The following RUSC2 variants were observed in gnomAD, a reference collection of about 807,000 sequenced individuals.
RUSC2 encodes the protein AP-4 complex accessory subunit RUSC2.
RUSC2 carries 34 observed loss-of-function variants against 122.2 expected under a neutral mutation model. That is an observed-to-expected ratio of 0.28 (90% CI 0.21 to 0.37). RUSC2 has a LOEUF of 0.37. Among genes scored for constraint, RUSC2 ranks in the 10% least tolerant of loss-of-function variants. The probability of loss-of-function intolerance (pLI) is 1.00; values close to 1 mark genes in which losing one functional copy is unlikely to be tolerated. For missense variants in RUSC2, 1,747 were observed against 1,952.4 expected (o/e 0.89, Z 1.98); for synonymous variants, 784 against 790.0 (o/e 0.99, Z 0.13).
chr9:35,509,784 T>C (rs1441922844), intron 1 of RUSC2, among the ~76,000 whole-genome samples: 4 of 152,166 alleles, frequency 2.6e-5, no homozygotes, highest in Non-Finnish European at 5.9e-5. Flanking sequence ...TATTGAGCCC[T>C]GCCTAAATAC....
At position 35,490,132 on chromosome 9, in the gene RUSC2, C is replaced by CGCA. The variant is rs1398057436; in HGVS notation, c.-131_-130insAGC. On this transcript the variant is annotated 5_prime_UTR_variant, in exon 1 of 12. Coordinates refer to ENST00000361226, the MANE Select transcript of RUSC2 (RefSeq NM_014806.5). ...GGGCGAGACACGCCGCCGCCGCCGC[C>CGCA]GCCGCCGGCGCGGAAGGACGAGGCT... 8.9e-5 allele frequency: 14 copies of CGCA among 156,672 alleles called. No homozygotes were observed. Among genetic ancestry groups the CGCA allele is most frequent in the African/African-American group, 3.1e-4 (13 of 41,410 alleles). The allele number at this position is 156,672 out of a possible 1,614,324, so 9.7% of individuals were successfully genotyped here.
chr9:35,527,906 C>T (rs1821351704), intron 1 of RUSC2, among the ~76,000 whole-genome samples: 1 of 152,198 alleles, frequency 6.6e-6, no homozygotes, highest in Non-Finnish European at 1.5e-5. Flanking sequence ...GTTTAGCTCC[C>T]TCACCTTCCC....
Position 35,546,359 on chromosome 9 carries a change from T to G in RUSC2, c.-92-71T>G. On this transcript the variant is annotated intron_variant, in intron 1 of 11. Transcript: ENST00000361226. The surrounding 1 kb of genome is among the most constrained non-coding windows in gnomAD (Gnocchi z 4.3). ...TGGGCTCTTCTCCATCTGAAAATGA[T>G]GTAGGGAAGGGCATGCCCCTGACTT... 2.3e-6 allele frequency: 1 copy of G among 425,640 alleles called. No individual in the cohort carries two copies. The highest frequency in any genetic ancestry group is 4.0e-6 in the Non-Finnish European group (1 of 250,370). 26.4% of individuals were successfully genotyped at this position (425,640 alleles called of 1,614,324 possible).
In RUSC2 at chr9:35,555,753, C is replaced by G. The variant is rs1265700629; in HGVS notation, c.2656+52C>G. 1.3e-6 allele frequency: 2 copies of G among 1,539,806 alleles called. No homozygotes were observed. The highest frequency in any genetic ancestry group is 2.8e-5 in the African/African-American group (2 of 72,126). On this transcript the variant is annotated intron_variant, in intron 3 of 11. Coordinates refer to ENST00000361226, the MANE Select transcript of RUSC2 (RefSeq NM_014806.5). The surrounding 1 kb of genome is among the most constrained non-coding windows in gnomAD (Gnocchi z 4.6). ...AACCCGCCACCTCACGCAAGCACTT[C>G]CACCACCTCCCCTTTGAGTGGTTGC...
At chr9:35,518,329 G>A (rs575068780) in intron 1 of RUSC2, among the ~76,000 whole-genome samples, 164 of 152,326 alleles carry the variant, frequency 1.1e-3, no homozygotes, top group African/African-American at 3.9e-3. Context: ...CGGCTGTTTT[G>A]TTTGCACTTC....
chr9:35,515,358 A>T (rs1326899231), intron 1 of RUSC2, among the ~76,000 whole-genome samples: 1 of 151,794 alleles, frequency 6.6e-6, no homozygotes, highest in African/African-American at 2.4e-5. Context: ...GTACCTTGTC[A>T]TTCATTAATA....
At position 35,557,476 on chromosome 9, in the gene RUSC2, G is replaced by A. The variant is rs558250951; in HGVS notation, c.2984-438G>A. 1.1e-4 allele frequency among the ~76,000 whole-genome samples: 16 copies of A among 152,240 alleles called. No homozygotes were observed. Among genetic ancestry groups the A allele is most frequent in the African/African-American group, 3.6e-4 (15 of 41,552 alleles). ...CCAAGGGCTTGAGAGGAGGGGTGTC[G>A]ATTTCACATGGCAACTTGAGGGTAT... On this transcript the variant is annotated intron_variant, in intron 5 of 11. Transcript: ENST00000361226. The surrounding 1 kb of genome is among the most constrained non-coding windows in gnomAD (Gnocchi z 4.6).
intron 1 of RUSC2, among the ~76,000 whole-genome samples, chr9:35,495,109 T>A (rs1437683400): frequency 2.7e-4 from 3 of 11,030 alleles, no homozygotes; most frequent in African/African-American, 7.2e-4. Flanking sequence ...TAGTATATAT[T>A]ATACATTATA....
intron 1 of RUSC2, among the ~76,000 whole-genome samples, chr9:35,512,514 T>C (rs1821027808): frequency 6.6e-6 from 1 of 152,164 alleles, no homozygotes; most frequent in African/African-American, 2.4e-5. Flanking sequence ...TTTGAGGCTG[T>C]AAGTGGGTAG....
At chr9:35,553,926 A>G (rs1821952477) in intron 2 of RUSC2, among the ~76,000 whole-genome samples, 1 of 152,236 alleles carries the variant, frequency 6.6e-6, no homozygotes, top group Non-Finnish European at 1.5e-5. Context: ...TGGTAAAAAG[A>G]ACAGTGGCTC....
At chr9:35,530,176 CAT>C (rs748342211) in intron 1 of RUSC2, among the ~76,000 whole-genome samples, 2 of 152,150 alleles carry the variant, frequency 1.3e-5, no homozygotes, top group South Asian at 4.1e-4. Flanking sequence ...GGTATCAACT[CAT>C]AAGCTCAAGC....
At position 35,548,888 on chromosome 9, in the gene RUSC2, C is replaced by A; in HGVS notation, c.2014+353C>A. Reference sequence around the variant, plus strand: ...CTACTAAAATAAAAAATAAACTAGCCAGGAGTGGTAGCACCCACCTGTAAT... The same window carrying A: ...CTACTAAAATAAAAAATAAACTAGCAAGGAGTGGTAGCACCCACCTGTAAT... On this transcript the variant is annotated intron_variant, in intron 2 of 11. Coordinates refer to ENST00000361226, the MANE Select transcript of RUSC2 (RefSeq NM_014806.5). The surrounding 1 kb of genome is among the most constrained non-coding windows in gnomAD (Gnocchi z 4.5). 1.9e-6 allele frequency: 1 copy of A among 526,904 alleles called. No homozygotes were observed. The highest frequency in any genetic ancestry group is 2.4e-6 in the Non-Finnish European group (1 of 411,150). The allele number at this position is 526,904 out of a possible 1,614,324, so 32.6% of individuals were successfully genotyped here. A position where few individuals can be genotyped will look rare whatever the true frequency, so the allele number is the denominator to read the frequency against.
At chr9:35,517,827 C>T (rs758110570) in intron 1 of RUSC2, among the ~76,000 whole-genome samples, 2 of 152,046 alleles carry the variant, frequency 1.3e-5, no homozygotes. Flanking sequence ...TTCTGAAATA[C>T]TTTAGTCTAA....
chr9:35,544,930 C>G (rs2132548814), intron 1 of RUSC2, among the ~76,000 whole-genome samples: 1 of 152,290 alleles, frequency 6.6e-6, no homozygotes, highest in Non-Finnish European at 1.5e-5. Context: ...TACATCTCTA[C>G]CCATTAGCCC....
chr9:35,558,301 T>C lies in RUSC2; in HGVS notation c.3165T>C (p.Phe1055=). Residue 1055 remains phenylalanine, a synonymous_variant, in exon 7 of 12, where the codon TTT becomes TTC. Transcript: ENST00000361226. The surrounding 1 kb of genome is among the most constrained non-coding windows in gnomAD (Gnocchi z 4.3). ...TGCTGGAGGATGGGCTCAAGGCCTT[T>C]GTACTGGACGTCATCATCGGGCAGC... is the stretch of plus-strand genomic sequence containing the variant. The part of the protein sequence containing the change: ...RAVLEDGLKA[F]VLDVIIGQRK... 4 of 1,614,156 alleles carry C rather than the reference T, an allele frequency of 2.5e-6. No individual in the cohort carries two copies. The highest frequency in any genetic ancestry group is 3.4e-6 in the Non-Finnish European group (4 of 1,180,028).
At chr9:35,507,041 TAGG>T (rs1820929264) in intron 1 of RUSC2, among the ~76,000 whole-genome samples, 1 of 152,022 alleles carries the variant, frequency 6.6e-6, no homozygotes, top group Non-Finnish European at 1.5e-5. Flanking sequence ...CATTTGAGCC[TAGG>T]AGGGTGAGGC....
chr9:35,503,925 C>CCA (rs376272585), intron 1 of RUSC2, among the ~76,000 whole-genome samples: 11 of 152,034 alleles, frequency 7.2e-5, no homozygotes, highest in African/African-American at 2.7e-4. Flanking sequence ...TAGGTGCATG[C>CCA]CACTATGCCC....
chr9:35,542,515 T>C (rs968820891), intron 1 of RUSC2, among the ~76,000 whole-genome samples: 4 of 152,044 alleles, frequency 2.6e-5, no homozygotes, highest in African/African-American at 9.7e-5. Flanking sequence ...TGAGAGAAAA[T>C]ATTCATGAGG....
Position 35,558,194 on chromosome 9 carries a change from C to T in RUSC2, c.3061-3C>T, listed in dbSNP as rs1822062802. 1.9e-6 allele frequency: 3 copies of T among 1,611,774 alleles called. No homozygotes were observed. The highest frequency in any genetic ancestry group is 2.5e-6 in the Non-Finnish European group (3 of 1,179,308). ...TTCCTGCACTTCCCTACCACACCTA[C>T]AGGCAAAGCTGGGAAACAGTTCTGT... is the stretch of plus-strand genomic sequence containing the variant. On this transcript the variant is annotated splice_polypyrimidine_tract_variant and splice_region_variant and intron_variant, in intron 6 of 11. Coordinates refer to ENST00000361226, the MANE Select transcript of RUSC2 (RefSeq NM_014806.5). The surrounding 1 kb of genome is among the most constrained non-coding windows in gnomAD (Gnocchi z 4.3).
Sources: gnomAD v4.1 joint callset for allele counts (sites outside exome capture counted in the v4.1 genomes callset) on GRCh38, gnomAD v4.1.1 for gene constraint, Gnocchi (gnomAD v3.1) non-coding constraint, MANE v1.5 for transcripts, NCBI Gene and HGNC (gene_info 2026-07-23, HGNC 2026-07-21) for gene names.